Variants in RABGAP1L observed in about 807,000 individuals in gnomAD.
The protein encoded by RABGAP1L is RAB GTPase activating protein 1 like, also known as rab GTPase-activating protein 1-like.
In RABGAP1L, 63 loss-of-function variants were observed where a neutral mutation model predicts 137.7. The observed-to-expected ratio is 0.46, with a 90% CI of 0.37 to 0.56. The LOEUF is 0.56. RABGAP1L is among the 20% of genes least tolerant of loss of function. RABGAP1L has a pLI of 0.00. For missense variants in RABGAP1L, 1,095 were observed against 1,244.0 expected (o/e 0.88, Z 1.80); for synonymous variants, 431 against 433.7 (o/e 0.99, Z 0.08).
intron 19 of RABGAP1L, among the ~76,000 whole-genome samples, chr1:174,858,844 G>C (rs943924891): frequency 6.6e-6 from 1 of 152,100 alleles, no homozygotes; most frequent in African/African-American, 2.4e-5. Flanking sequence ...CATCTGAGCA[G>C]GTTTAAAGAT....
chr1:174,313,657 A>G (rs1171041592), intron 11 of RABGAP1L, among the ~76,000 whole-genome samples: 2 of 152,106 alleles, frequency 1.3e-5, no homozygotes, highest in Non-Finnish European at 2.9e-5. Context: ...TCTGTCATAT[A>G]TGGCTTTTAT....
At chr1:174,542,951 C>G (rs1180627340) in intron 13 of RABGAP1L, among the ~76,000 whole-genome samples, 1 of 152,166 alleles carries the variant, frequency 6.6e-6, no homozygotes, top group African/African-American at 2.4e-5. Context: ...GCACTGTGGT[C>G]TGGGAGACAG....
intron 19 of RABGAP1L, among the ~76,000 whole-genome samples, chr1:174,907,824 T>G (rs1659365188): frequency 6.6e-6 from 1 of 152,110 alleles, no homozygotes; most frequent in Non-Finnish European, 1.5e-5. Flanking sequence ...TTATCAATAA[T>G]AACACTGAGT....
Position 174,990,089 on chromosome 1 carries a change from CAAG to C in RABGAP1L, c.*89_*91del. On this transcript the variant is annotated 3_prime_UTR_variant, in exon 26 of 26. Coordinates refer to ENST00000681986, the MANE Select transcript of RABGAP1L (RefSeq NM_001366446.1). ...TCCTGGTGTCCCTTTGAAGGAAAGTCAAGGAGGCCAGAAAACAAGCCAGAATTT... is the reference window on the plus strand; with the variant it reads ...TCCTGGTGTCCCTTTGAAGGAAAGTCGAGGCCAGAAAACAAGCCAGAATTT... The C allele has an allele frequency of 7.2e-7, 1 of 1,394,190 alleles. No homozygotes were observed. The highest frequency in any genetic ancestry group is 9.6e-7 in the Non-Finnish European group (1 of 1,036,774). The allele number at this position is 1,394,190 out of a possible 1,614,324, so 86.4% of individuals were successfully genotyped here.
At chr1:174,909,052 G>A (rs764069154) in intron 19 of RABGAP1L, among the ~76,000 whole-genome samples, 1 of 150,930 alleles carries the variant, frequency 6.6e-6, no homozygotes, top group Non-Finnish European at 1.5e-5. Flanking sequence ...GGTGGTATGC[G>A]CCTGTAGTCC....
chr1:174,514,324 G>T (rs1344330061), intron 13 of RABGAP1L, among the ~76,000 whole-genome samples: 1 of 150,508 alleles, frequency 6.6e-6, no homozygotes, highest in African/African-American at 2.5e-5. Flanking sequence ...TAAAAATTTA[G>T]GTAAGGAAAG....
Position 174,221,184 on chromosome 1 carries a change from G to T in RABGAP1L, c.331+20G>T. Reference sequence around the variant, plus strand: ...ACACAGGTACTGTATTGAATTCTTAGAAACTATTAAAGAAATGGGATAAAG... The same window carrying T: ...ACACAGGTACTGTATTGAATTCTTATAAACTATTAAAGAAATGGGATAAAG... On this transcript the variant is annotated intron_variant, in intron 3 of 25. Transcript: ENST00000681986. The T allele has an allele frequency of 6.8e-7, 1 of 1,477,814 alleles. No individual in the cohort carries two copies. Among genetic ancestry groups the T allele is most frequent in the Non-Finnish European group, 9.0e-7 (1 of 1,106,082 alleles). The allele number at this position is 1,477,814 out of a possible 1,614,324, so 91.5% of individuals were successfully genotyped here.
chr1:174,647,874 T>C (rs1260852260), intron 14 of RABGAP1L, among the ~76,000 whole-genome samples: 1 of 152,094 alleles, frequency 6.6e-6, no homozygotes, highest in Admixed American at 6.6e-5. Flanking sequence ...ATTACTGCCT[T>C]AGTTTCAGAA....
chr1:174,377,018 G>C (rs1685606230), intron 12 of RABGAP1L, among the ~76,000 whole-genome samples: 1 of 152,008 alleles, frequency 6.6e-6, no homozygotes, highest in Non-Finnish European at 1.5e-5. Flanking sequence ...AATGTTAAAA[G>C]ATACAAGATC....
At chr1:174,538,750 T>C (rs1173600791) in intron 13 of RABGAP1L, among the ~76,000 whole-genome samples, 1 of 152,198 alleles carries the variant, frequency 6.6e-6, no homozygotes, top group Non-Finnish European at 1.5e-5. Context: ...CTCTGACATA[T>C]GGCACAACTT....
At chr1:174,952,153 TACAAAGCCCTTGAACTCCTAAATAA>T (rs1208646497) in intron 19 of RABGAP1L, among the ~76,000 whole-genome samples, 1 of 151,920 alleles carries the variant, frequency 6.6e-6, no homozygotes, top group Admixed American at 6.6e-5. Flanking sequence ...CTCCTAAATA[TACAAAGCCCTTGAACTCCTAAATAA>T]ACAAAGCCCT....
intron 15 of RABGAP1L, among the ~76,000 whole-genome samples, chr1:174,696,215 G>T (rs778062052): frequency 4.6e-5 from 7 of 152,036 alleles, no homozygotes; most frequent in Non-Finnish European, 8.8e-5. Flanking sequence ...GGACTCAGGG[G>T]ATTCAGGACT....
chr1:174,650,298 T>G (rs1675359886), intron 14 of RABGAP1L, among the ~76,000 whole-genome samples: 1 of 152,130 alleles, frequency 6.6e-6, no homozygotes, highest in Non-Finnish European at 1.5e-5. Flanking sequence ...AAATTCTCTT[T>G]TTTGGTTGTG....
chr1:174,312,084 T>C (rs973848335), intron 11 of RABGAP1L, among the ~76,000 whole-genome samples: 3 of 152,236 alleles, frequency 2.0e-5, no homozygotes, highest in African/African-American at 7.2e-5. Flanking sequence ...GCTACACTGA[T>C]TTCCTTTCTT....
chr1:174,968,474 C>T (rs1360945127), intron 20 of RABGAP1L, among the ~76,000 whole-genome samples: 2 of 149,806 alleles, frequency 1.3e-5, no homozygotes, highest in African/African-American at 4.9e-5. Context: ...AAGGAAAGGC[C>T]TTGCTTCATA....
chr1:174,525,490 G>A (rs1257403514), intron 13 of RABGAP1L, among the ~76,000 whole-genome samples: 2 of 151,942 alleles, frequency 1.3e-5, no homozygotes, highest in Non-Finnish European at 2.9e-5. Flanking sequence ...TGTTGATTTT[G>A]TATTCTGCAA....
chr1:174,419,226 T>A (rs539482049), intron 13 of RABGAP1L, among the ~76,000 whole-genome samples: 15 of 152,342 alleles, frequency 9.8e-5, no homozygotes, highest in African/African-American at 3.4e-4. Flanking sequence ...TCTCAAAGTT[T>A]AATGTGCATT....
chr1:174,163,018 C>T (rs950350491), intron 1 of RABGAP1L, among the ~76,000 whole-genome samples: 1 of 151,630 alleles, frequency 6.6e-6, no homozygotes, highest in Non-Finnish European at 1.5e-5. Context: ...TGCAGCGCAC[C>T]AGGTGCTGGT....
intron 13 of RABGAP1L, among the ~76,000 whole-genome samples, chr1:174,502,640 A>G (rs886868739): frequency 2.0e-5 from 3 of 148,248 alleles, no homozygotes; most frequent in East Asian, 2.0e-4. Context: ...ATATGTGTGT[A>G]TATATATGTA....
Sources: allele counts gnomAD v4.1 joint callset (sites outside exome capture counted in the v4.1 genomes callset), GRCh38; gene constraint gnomAD v4.1.1; transcripts MANE v1.5; gene names NCBI Gene and HGNC (gene_info 2026-07-23, HGNC 2026-07-21).